Variants in GABRB1 observed in about 807,000 individuals in gnomAD.
The protein encoded by GABRB1 is gamma-aminobutyric acid receptor subunit beta-1.
Under a neutral mutation model 51.6 loss-of-function variants are expected in GABRB1, and 17 were observed. The observed-to-expected ratio is 0.33, with a 90% CI of 0.23 to 0.49. The LOEUF (loss-of-function observed/expected upper bound fraction) is 0.49, where lower values mean the gene tolerates loss of function less well. GABRB1 is among the 20% of genes least tolerant of loss of function. The pLI is 0.99. For missense variants in GABRB1, 410 were observed against 600.6 expected, an observed-to-expected ratio of 0.68 and a Z score of 3.32; for synonymous variants, 247 against 218.9, an observed-to-expected ratio of 1.13 and a Z score of -1.14.
chr4:47,320,770 CTTTTTTTT>C (rs11313211), intron 5 of GABRB1, among the ~76,000 whole-genome samples: 1 of 105,032 alleles, frequency 9.5e-6, no homozygotes, highest in Non-Finnish European at 2.0e-5. Flanking sequence ...TTTCTTTTTT[CTTTTTTTT>C]TTTTTTTTTG....
chr4:47,390,662 A>G (rs1261021760), intron 5 of GABRB1, among the ~76,000 whole-genome samples: 1 of 152,208 alleles, frequency 6.6e-6, no homozygotes, highest in Non-Finnish European at 1.5e-5. Flanking sequence ...CATCCTTGGT[A>G]TCCAAGTGTT....
At chr4:47,293,964 C>G (rs7695129) in intron 4 of GABRB1, among the ~76,000 whole-genome samples, 1 of 152,162 alleles carries the variant, frequency 6.6e-6, no homozygotes. Context: ...CTTTTAACAT[C>G]TTTTTAAAGT....
At chr4:47,054,351 T>C (rs1185095245) in intron 3 of GABRB1, among the ~76,000 whole-genome samples, 4 of 152,304 alleles carry the variant, frequency 2.6e-5, no homozygotes, top group African/African-American at 9.6e-5. Flanking sequence ...TTTCTTGCTA[T>C]ACTGGTGCTT....
intron 5 of GABRB1, among the ~76,000 whole-genome samples, chr4:47,401,362 C>T (rs112244713): frequency 1.4e-4 from 22 of 152,354 alleles, no homozygotes; most frequent in African/African-American, 3.8e-4. Flanking sequence ...ACTTTTTTAA[C>T]TTTCCCACAT....
chr4:47,177,541 A>C (rs961482519), intron 4 of GABRB1, among the ~76,000 whole-genome samples: 3 of 152,114 alleles, frequency 2.0e-5, no homozygotes, highest in Non-Finnish European at 4.4e-5. Context: ...TAATGTGAAA[A>C]ATGTTCACTC....
At chr4:47,051,879 A>T (rs949094558) in intron 3 of GABRB1, among the ~76,000 whole-genome samples, 9 of 152,192 alleles carry the variant, frequency 5.9e-5, no homozygotes, top group African/African-American at 1.9e-4. Flanking sequence ...CCGTAATCCC[A>T]GCACTTTGGG....
intron 3 of GABRB1, among the ~76,000 whole-genome samples, chr4:47,090,265 A>G (rs1397238469): frequency 2.0e-5 from 3 of 152,250 alleles, no homozygotes; most frequent in Non-Finnish European, 4.4e-5. Flanking sequence ...AATGCAATCA[A>G]TTGTAAGCAG....
chr4:47,288,866 T>A (rs917975478), intron 4 of GABRB1, among the ~76,000 whole-genome samples: 18 of 152,242 alleles, frequency 1.2e-4, no homozygotes, highest in African/African-American at 4.3e-4. Context: ...ACAAGCGGTC[T>A]ACCCAGAGTT....
At chr4:47,109,345 A>G (rs1190041915) in intron 3 of GABRB1, among the ~76,000 whole-genome samples, 1 of 152,140 alleles carries the variant, frequency 6.6e-6, no homozygotes, top group African/African-American at 2.4e-5. Context: ...GAGTTGGTAA[A>G]TACTTAAATA....
At chr4:47,003,794 T>C (rs1724299396) in intron 1 of GABRB1, among the ~76,000 whole-genome samples, 1 of 152,224 alleles carries the variant, frequency 6.6e-6, no homozygotes, top group Admixed American at 6.5e-5. Flanking sequence ...ATTCTGCTGA[T>C]TTAATCTCTG....
At chr4:47,113,989 C>A (rs190359343) in intron 3 of GABRB1, among the ~76,000 whole-genome samples, 2 of 152,184 alleles carry the variant, frequency 1.3e-5, no homozygotes, top group Admixed American at 6.5e-5. Context: ...CACAGCCTTA[C>A]GGCAATTTAA....
At chr4:47,289,468 T>C (rs1322136877) in intron 4 of GABRB1, among the ~76,000 whole-genome samples, 1 of 152,198 alleles carries the variant, frequency 6.6e-6, no homozygotes, top group East Asian at 1.9e-4. Context: ...GATGTGAACC[T>C]ACACCCATTT....
intron 4 of GABRB1, among the ~76,000 whole-genome samples, chr4:47,246,026 T>C (rs890215779): frequency 1.3e-5 from 2 of 150,476 alleles, no homozygotes; most frequent in South Asian, 2.1e-4. Flanking sequence ...CCAAGCAGTA[T>C]ACACTGCACC....
At chr4:47,347,159 G>A (rs1430010275) in intron 5 of GABRB1, among the ~76,000 whole-genome samples, 1 of 151,994 alleles carries the variant, frequency 6.6e-6, no homozygotes, top group Admixed American at 6.6e-5. Context: ...GAGCTCGACT[G>A]TAATCCCAGC....
intron 3 of GABRB1, among the ~76,000 whole-genome samples, chr4:47,086,179 GA>G (rs1238722227): frequency 1.3e-5 from 2 of 152,162 alleles, no homozygotes; most frequent in Non-Finnish European, 2.9e-5. Flanking sequence ...AAAATATTCA[GA>G]AAATAGTATG....
chr4:47,201,178 T>C (rs1433239784), intron 4 of GABRB1, among the ~76,000 whole-genome samples: 2 of 152,108 alleles, frequency 1.3e-5, no homozygotes, highest in Non-Finnish European at 2.9e-5. Context: ...AAAAAAATAT[T>C]GAGGAACAAG....
At chr4:47,418,734 C>T (rs958694018) in intron 8 of GABRB1, among the ~76,000 whole-genome samples, 1 of 152,096 alleles carries the variant, frequency 6.6e-6, no homozygotes, top group African/African-American at 2.4e-5. Flanking sequence ...ATCCCTGCCC[C>T]CTTGGAGTAA....
intron 7 of GABRB1, among the ~76,000 whole-genome samples, chr4:47,404,528 C>CAT (rs1553882794): frequency 6.8e-4 from 103 of 150,850 alleles, no homozygotes; most frequent in Middle Eastern, 3.5e-3. Flanking sequence ...CACACACACA[C>CAT]ATCATTTCTG....
intron 4 of GABRB1, among the ~76,000 whole-genome samples, chr4:47,218,460 T>C (rs557805838): frequency 6.6e-6 from 1 of 151,934 alleles, no homozygotes; most frequent in East Asian, 1.9e-4. Context: ...ACCTGGTACA[T>C]GAGTTCCCTT....
Sources: allele counts gnomAD v4.1 joint callset (sites outside exome capture counted in the v4.1 genomes callset), GRCh38; gene constraint gnomAD v4.1.1; transcripts MANE v1.5; gene names NCBI Gene and HGNC (gene_info 2026-07-23, HGNC 2026-07-21).